MALRD1: variants seen among roughly 807,000 people sequenced by gnomAD.
The protein encoded by MALRD1 is MAM and LDL receptor class A domain containing 1.
Under a neutral mutation model 242.1 loss-of-function variants are expected in MALRD1, and 247 were observed. That is an observed-to-expected ratio of 1.02 (90% CI 0.92 to 1.13). The LOEUF (loss-of-function observed/expected upper bound fraction) is 1.13, where lower values mean the gene tolerates loss of function less well. Among genes scored for constraint, MALRD1 ranks in the 50% most tolerant of loss-of-function variants. The pLI, the probability that MALRD1 is intolerant of heterozygous loss-of-function variation, is 0.00. For missense variants in MALRD1, 2,989 were observed against 2,533.1 expected, an observed-to-expected ratio of 1.18 and a Z score of -3.86; for synonymous variants, 995 against 866.6, an observed-to-expected ratio of 1.15 and a Z score of -2.60.
At chr10:19,457,525 C>T (rs1046250821) in intron 29 of MALRD1, among the ~76,000 whole-genome samples, 5 of 151,944 alleles carry the variant, frequency 3.3e-5, no homozygotes, top group South Asian at 2.1e-4. Context: ...TGGCAAAGCC[C>T]GCCCTGGGTT....
Position 19,209,491 on chromosome 10 carries a change from T to C in MALRD1, c.2802T>C (p.Asn934=), listed in dbSNP as rs1456188864. 1.3e-6 allele frequency: 2 copies of C among 1,550,670 alleles called. No homozygotes were observed. Among genetic ancestry groups the C allele is most frequent in the African/African-American group, 1.4e-5 (1 of 73,058 alleles). The change falls in exon 18 of 40, where the codon AAT becomes AAC. Residue 934 remains asparagine, a synonymous_variant. Coordinates refer to ENST00000454679, the MANE Select transcript of MALRD1 (RefSeq NM_001142308.3). ...DSAALLSPIL[N]ATDTKGCTFR... ...CTGCCTTACTCAGCCCAATCCTTAA[T>C]GCCACTGATACAAAAGGCTGCACCT...
chr10:19,444,586 T>C (rs1473794891), intron 28 of MALRD1, among the ~76,000 whole-genome samples: 1 of 152,198 alleles, frequency 6.6e-6, no homozygotes, highest in Admixed American at 6.5e-5. Flanking sequence ...TGGCTGGATA[T>C]GAAATTCTGG....
chr10:19,052,706 C>T (rs557869959), intron 1 of MALRD1, among the ~76,000 whole-genome samples: 1 of 152,148 alleles, frequency 6.6e-6, no homozygotes, highest in East Asian at 1.9e-4. Context: ...TTGCCTGCAC[C>T]CCTGGTTTCT....
At chr10:19,393,442 AT>A (rs71387074) in intron 28 of MALRD1, among the ~76,000 whole-genome samples, 7,129 of 109,774 alleles carry the variant, frequency 0.065, 99 homozygotes, top group African/African-American at 0.15. Flanking sequence ...GATGAGGTTA[AT>A]TTTTTTTTTT....
intron 28 of MALRD1, among the ~76,000 whole-genome samples, chr10:19,405,624 A>G (rs1847061781): frequency 6.6e-6 from 1 of 152,194 alleles, no homozygotes; most frequent in South Asian, 2.1e-4. Flanking sequence ...AGAAGTGTTG[A>G]TCCTAATTAG....
chr10:19,148,896 G>A (rs72790773), intron 11 of MALRD1, among the ~76,000 whole-genome samples: 9,223 of 150,470 alleles, frequency 0.061, 341 homozygotes, highest in East Asian at 0.2. Context: ...AATTGCAAGT[G>A]AGGAGGAGAA....
At chr10:19,493,778 A>C (rs60711263) in intron 30 of MALRD1, among the ~76,000 whole-genome samples, 5,326 of 152,050 alleles carry the variant, frequency 0.035, 179 homozygotes, top group African/African-American at 0.087. Context: ...GTACCACTGC[A>C]CTCCAGCCTG....
intron 14 of MALRD1, among the ~76,000 whole-genome samples, chr10:19,187,209 T>C (rs1047894712): frequency 2.6e-5 from 4 of 152,260 alleles, no homozygotes; most frequent in Non-Finnish European, 2.9e-5. Flanking sequence ...GGATTAATAT[T>C]AGGGCCCTGC....
At chr10:19,203,950 A>G (rs1051346890) in intron 15 of MALRD1, 70 bp downstream of exon 15, 3 of 1,514,646 alleles carry the variant, frequency 2.0e-6, no homozygotes, top group African/African-American at 2.8e-5. Context: ...AGAGAAAGGA[A>G]AGCTAGTACG....
intron 36 of MALRD1, among the ~76,000 whole-genome samples, chr10:19,618,672 A>G (rs1322961621): frequency 1.3e-5 from 2 of 151,958 alleles, no homozygotes; most frequent in East Asian, 1.9e-4. Flanking sequence ...TCACTTTTCA[A>G]TGGGGTTGTT....
intron 18 of MALRD1, among the ~76,000 whole-genome samples, chr10:19,246,656 A>T (rs1432349363): frequency 1.3e-5 from 2 of 152,128 alleles, no homozygotes; most frequent in African/African-American, 2.4e-5. Flanking sequence ...GATGAAGCTG[A>T]GGTGATTGCT....
intron 35 of MALRD1, among the ~76,000 whole-genome samples, chr10:19,613,482 A>G (rs1387241872): frequency 6.6e-6 from 1 of 151,998 alleles, no homozygotes; most frequent in Non-Finnish European, 1.5e-5. Context: ...AGTCACCAAG[A>G]TGTTTCAATC....
At chr10:19,389,316 T>C (rs1846232589) in intron 27 of MALRD1, 136 bp from the exon 28 acceptor site, 1 of 983,792 alleles carries the variant, frequency 1.0e-6, no homozygotes, top group African/African-American at 1.6e-5. Flanking sequence ...TAGATTTTCT[T>C]TCTGTTCCAA....
rs1843381039 is a variant in MALRD1 at position 19,331,697 on chromosome 10, G to T, written c.3901+115G>T. On this transcript the variant is annotated intron_variant, in intron 24 of 39. Coordinates refer to ENST00000454679, the MANE Select transcript of MALRD1 (RefSeq NM_001142308.3). The stretch of plus-strand genomic sequence containing the variant: ...GTGTGTATCTCAACACCAGGGGAAG[G>T]TAAGGTGATTTAACTTGACACATTC... 3.2e-5 allele frequency: 25 copies of T among 791,716 alleles called. No homozygotes were observed. The South Asian group carries it at 4.0e-4, about 13-fold the overall frequency. The allele number at this position is 791,716 out of a possible 1,614,324, so 49.0% of individuals were successfully genotyped here.
intron 38 of MALRD1, among the ~76,000 whole-genome samples, chr10:19,725,728 G>C (rs1472437231): frequency 6.6e-6 from 1 of 152,164 alleles, no homozygotes; most frequent in Non-Finnish European, 1.5e-5. Flanking sequence ...TCGGCATGAG[G>C]CATGAGAACA....
chr10:19,310,916 G>A (rs1309074733), intron 21 of MALRD1, among the ~76,000 whole-genome samples: 3 of 151,442 alleles, frequency 2.0e-5, no homozygotes, highest in East Asian at 3.9e-4. Flanking sequence ...GCATGAGTCT[G>A]TAAGCATCTC....
intron 28 of MALRD1, among the ~76,000 whole-genome samples, chr10:19,409,785 T>C (rs191111378): frequency 1.1e-3 from 169 of 152,274 alleles, no homozygotes; most frequent in African/African-American, 3.9e-3. Flanking sequence ...TATGTTAAAT[T>C]TACATTCTAG....
At position 19,633,742 on chromosome 10, in the gene MALRD1, C is replaced by T. The variant is rs187451724; in HGVS notation, c.6137+17819C>T. 18 of 152,142 alleles carry T rather than the reference C, an allele frequency of 1.2e-4. 1 individual carries two copies. The highest frequency in any genetic ancestry group is 1.2e-3 in the Admixed American group (18 of 15,282). The allele number at this position is 152,142 out of a possible 1,614,324, so 9.4% of individuals were successfully genotyped here. A position where few individuals can be genotyped will look rare whatever the true frequency, so the allele number is the denominator to read the frequency against. On this transcript the variant is annotated intron_variant, in intron 36 of 39. Coordinates refer to ENST00000454679, the MANE Select transcript of MALRD1 (RefSeq NM_001142308.3). ...CATTCAGGTAGTAACCAGGCCCAAC[C>T]CTGGCTTAGCTTTGACAAGACCAGA...
chr10:19,369,642 TA>T (rs35791083), intron 26 of MALRD1, among the ~76,000 whole-genome samples: 148,361 of 150,108 alleles, frequency 0.99, 73,444 homozygotes, highest in Middle Eastern at 1. Context: ...CAGATATATT[TA>T]AAAAAAATAC....
Sources: allele counts gnomAD v4.1 joint callset (sites outside exome capture counted in the v4.1 genomes callset), GRCh38; gene constraint gnomAD v4.1.1; transcripts MANE v1.5; gene names NCBI Gene and HGNC (gene_info 2026-07-23, HGNC 2026-07-21).